The following STK36 variants were observed in gnomAD, a reference collection of about 807,000 sequenced individuals.
STK36 encodes the protein serine/threonine kinase 36.
STK36 carries 116 observed loss-of-function variants against 142.2 expected under a neutral mutation model. The ratio of observed to expected loss-of-function variants is 0.82; its 90% CI spans 0.70 to 0.95. The LOEUF (loss-of-function observed/expected upper bound fraction) is 0.95. Ranked by LOEUF, STK36 falls within the 40% of genes least tolerant of loss-of-function variation. The pLI, the probability that STK36 is intolerant of heterozygous loss-of-function variation, is 0.00. For synonymous variants in STK36, 619 were observed against 641.7 expected (o/e 0.96, Z 0.53); for missense variants, 1,422 against 1,617.2 (o/e 0.88, Z 2.07).
At position 218,699,026 on chromosome 2, in the gene STK36, T is replaced by C. The variant is rs1469478093; in HGVS notation, c.3482T>C (p.Leu1161Pro). The C allele has an allele frequency of 6.2e-7, 1 of 1,614,170 alleles. No individual in the cohort carries two copies. Among genetic ancestry groups the C allele is most frequent in the Admixed American group, 1.7e-5 (1 of 60,024 alleles). The change falls in exon 26 of 27, where the codon CTT (leucine) becomes CCT (proline). Residue 1161 changes from leucine to proline, a missense_variant. Physicochemically the swap from Leu to Pro is moderately conservative, Grantham distance 98 (BLOSUM62 -3). This residue lies in a region of STK36 where 962 missense variants were observed against 1,167.5 expected (regional missense o/e 0.82). Transcript: ENST00000295709. ...CTGCTCAGCCTTCTGCTGCTTGGGC[T>C]TGGAGACAAGGATCCTGTTGTGCGG... ...SGLLSLLLLGLGDKDPVVRCS... is the reference protein window; with the variant it reads ...SGLLSLLLLGPGDKDPVVRCS...
intron 10 of STK36, among the ~76,000 whole-genome samples, chr2:218,684,215 G>T (rs778990292): frequency 4.7e-5 from 7 of 148,432 alleles, no homozygotes; most frequent in Admixed American, 2.7e-4. Context: ...GGATTCAAGC[G>T]ATTATCCTGC....
At chr2:218,688,480 G>A (rs1203792752) in intron 11 of STK36, 1 of 607,694 alleles carries the variant, frequency 1.6e-6, no homozygotes, top group Non-Finnish European at 2.9e-6. Context: ...TTGGTCACTG[G>A]TGTTCTGTGT....
Position 218,692,273 on chromosome 2 carries a change from T to A in STK36, c.1895T>A (p.Leu632His). ...CTTCATGGCTTGACAGTTCCACAGC[T>A]CCCTGTCCACACTCCCCAAGGTAAC... ...GLLHGLTVPQ[L>H]PVHTPQGAPQ... The change falls in exon 15 of 27, where the codon CTC becomes CAC. Residue 632 changes from leucine (L) to histidine (H), a missense_variant. Coordinates refer to ENST00000295709, the MANE Select transcript of STK36 (RefSeq NM_015690.5). The A allele has an allele frequency of 1.2e-6, 2 of 1,614,158 alleles. No individual in the cohort carries two copies. Among genetic ancestry groups the A allele is most frequent in the East Asian group, 4.5e-5 (2 of 44,888 alleles).
At chr2:218,690,128 A>ACTTGG (rs1250064140) in intron 13 of STK36, among the ~76,000 whole-genome samples, 172 bp downstream of exon 13, 1 of 152,152 alleles carries the variant, frequency 6.6e-6, no homozygotes, top group Non-Finnish European at 1.5e-5. Flanking sequence ...GACAGCTCCA[A>ACTTGG]CTTGGCCTCA....
At chr2:218,700,793 C>T (rs1941413215) in intron 26 of STK36, among the ~76,000 whole-genome samples, 1 of 151,114 alleles carries the variant, frequency 6.6e-6, no homozygotes, top group African/African-American at 2.4e-5. Context: ...GGGCGGATCA[C>T]TTGAGGTCAG....
rs924341447 is a variant in STK36, at chr2:218,672,098, T to TGGCC, written c.-206_-203dup. 41 of 1,170,724 alleles carry TGGCC rather than the reference T, an allele frequency of 3.5e-5. No individual in the cohort carries two copies. In the Admixed American group the frequency reaches 7.8e-4, roughly 22 times the overall value. 72.5% of individuals were successfully genotyped at this position (1,170,724 alleles called of 1,614,324 possible). A position where few individuals can be genotyped will look rare whatever the true frequency, so the allele number is the denominator to read the frequency against. ...ACTCCGGGTCCTTAGCCGGGCCTGA[T>TGGCC]GGCCCTGAGGCAGTTCGGATGTGTC... is the stretch of plus-strand genomic sequence containing the variant. On this transcript the variant is annotated 5_prime_UTR_variant, in exon 1 of 27. The change abolishes the stop of an existing upstream ORF in the 5' untranslated region. Coordinates refer to ENST00000295709, the MANE Select transcript of STK36 (RefSeq NM_015690.5).
chr2:218,685,257 G>T, intron 11 of STK36, 29 bp downstream of exon 11: 1 of 1,611,916 alleles, frequency 6.2e-7, no homozygotes, highest in Non-Finnish European at 8.5e-7. Context: ...CTGTGGATGG[G>T]ATCAAGACTG....
In STK36 at chr2:218,699,321, C is replaced by T; in HGVS notation, c.3777C>T (p.Ser1259=). Residue 1259 remains serine (S), a synonymous_variant, in exon 26 of 27, where the codon AGC becomes AGT. Transcript: ENST00000295709. Reference sequence around the variant, plus strand: ...AGGCTGCCCTCATTGCCCTCCGGAGCCTGCAACAGGAGCCTGGCATCCATC... The same window carrying T: ...AGGCTGCCCTCATTGCCCTCCGGAGTCTGCAACAGGAGCCTGGCATCCATC... ...VKEAALIALR[S]LQQEPGIHQV... The T allele has an allele frequency of 6.2e-7, 1 of 1,613,890 alleles. No homozygotes were observed. The highest frequency in any genetic ancestry group is 8.5e-7 in the Non-Finnish European group (1 of 1,179,980).
chr2:218,673,541 T>A, intron 2 of STK36, 84 bp from the exon 3 acceptor site: 3 of 1,509,870 alleles, frequency 2.0e-6, no homozygotes, highest in Non-Finnish European at 2.7e-6. Context: ...AAATCTGACT[T>A]CTGGAGCTCT....
intron 10 of STK36, among the ~76,000 whole-genome samples, chr2:218,682,520 T>G (rs1437047741): frequency 2.0e-5 from 3 of 152,228 alleles, no homozygotes; most frequent in Admixed American, 2.0e-4. Context: ...TTTTGCTAAT[T>G]GCTTCAGTAA....
intron 10 of STK36, 95 bp downstream of exon 10, chr2:218,680,797 G>T: frequency 1.0e-6 from 1 of 971,926 alleles, no homozygotes; most frequent in Non-Finnish European, 1.6e-6. Flanking sequence ...AACTCCCTAA[G>T]TATGAGCTCC....
At chr2:218,685,703 A>C (rs1378064109) in intron 11 of STK36, among the ~76,000 whole-genome samples, 10 of 152,186 alleles carry the variant, frequency 6.6e-5, no homozygotes, top group Non-Finnish European at 1.5e-5. Context: ...GTGTAAAGTT[A>C]GTGTTCCCTC....
rs1941480141 is a variant in STK36 at position 218,702,551 on chromosome 2, ATGTGTGTGTGTATG to A, written c.*554_*567del. 6.6e-6 allele frequency: 1 copy of A among 152,142 alleles called. No homozygotes were observed. The highest frequency in any genetic ancestry group is 1.5e-5 in the Non-Finnish European group (1 of 68,362). 9.4% of individuals were successfully genotyped at this position (152,142 alleles called of 1,614,324 possible). On this transcript the variant is annotated 3_prime_UTR_variant, in exon 27 of 27. Transcript: ENST00000295709. The stretch of plus-strand genomic sequence containing the variant: ...ATCTTTTTTTGGGGTGTGTGTGTAT[ATGTGTGTGTGTATG>A]TGTGTGTGTGTTTAATAGTTCTGTT...
chr2:218,683,279 T>A (rs1467727807), intron 10 of STK36, among the ~76,000 whole-genome samples: 1 of 151,428 alleles, frequency 6.6e-6, no homozygotes, highest in African/African-American at 2.4e-5. Flanking sequence ...CAGCTATTTT[T>A]TTTTTTTTTT....
rs1278398090 is a variant in STK36, at chr2:218,699,077, A to G, written c.3533A>G (p.Asn1178Ser). Residue 1178 changes from asparagine to serine, a missense_variant, in exon 26 of 27, where the codon AAT becomes AGT. Physicochemically the swap from Asn to Ser is conservative, Grantham distance 46. Transcript: ENST00000295709. ...VRCSASFAVGNAAYQAGPLGP... is the reference protein window; with the variant it reads ...VRCSASFAVGSAAYQAGPLGP... Reference sequence around the variant, plus strand: ...TGCAGTGCCAGCTTTGCTGTGGGCAATGCAGCCTACCAGGCTGGTCCTCTG... The same window carrying G: ...TGCAGTGCCAGCTTTGCTGTGGGCAGTGCAGCCTACCAGGCTGGTCCTCTG... 3 of 1,614,000 alleles carry G rather than the reference A, an allele frequency of 1.9e-6. No homozygotes were observed.
rs757673227 is a variant in STK36, at chr2:218,699,176, A to G, written c.3632A>G (p.Asn1211Ser). Residue 1211 changes from asparagine (N) to serine (S), a missense_variant, in exon 26 of 27, where the codon AAT (asparagine) becomes AGT (serine). Asn to Ser is a conservative substitution (Grantham distance 46, BLOSUM62 1). Around this residue, in one of 2 missense-constraint regions of STK36, gnomAD observed 962 missense variants for 1,167.5 expected, o/e 0.82. Transcript: ENST00000295709. Reference sequence around the variant, plus strand: ...GATCCTCAGGCTGGTATCCGGCGCAATGTTGCATCAGCTCTGGGCAACTTG... The same window carrying G: ...GATCCTCAGGCTGGTATCCGGCGCAGTGTTGCATCAGCTCTGGGCAACTTG... The part of the protein sequence containing the change: ...LGDPQAGIRR[N>S]VASALGNLGP... The G allele has an allele frequency of 7.4e-6, 12 of 1,613,906 alleles. No individual in the cohort carries two copies. Among genetic ancestry groups the G allele is most frequent in the Middle Eastern group, 1.6e-4 (1 of 6,084 alleles).
At chr2:218,674,113 A>G (rs183078871) in intron 4 of STK36, among the ~76,000 whole-genome samples, 157 bp downstream of exon 4, 27 of 152,330 alleles carry the variant, frequency 1.8e-4, no homozygotes, top group Non-Finnish European at 2.2e-4. Flanking sequence ...GTGGGAGTAA[A>G]TTATGTAAAC....
At chr2:218,675,617 C>G (rs774962698) in intron 5 of STK36, 144 bp downstream of exon 5, 2 of 1,015,470 alleles carry the variant, frequency 2.0e-6, no homozygotes, top group Admixed American at 5.6e-5. Context: ...CTCTGCCTCC[C>G]GGATTCAAGC....
intron 11 of STK36, chr2:218,688,423 G>A (rs1378413958): frequency 1.7e-6 from 1 of 583,980 alleles, no homozygotes; most frequent in East Asian, 3.8e-5. Flanking sequence ...GAGCAGATGG[G>A]AATGGCACTT....
Sources: allele counts gnomAD v4.1 joint callset (sites outside exome capture counted in the v4.1 genomes callset), GRCh38; gene constraint gnomAD v4.1.1; regional missense constraint gnomAD v4.1.1; transcripts MANE v1.5; gene names NCBI Gene and HGNC (gene_info 2026-07-23, HGNC 2026-07-21).